Variants in AP5M1 observed in about 807,000 individuals in gnomAD.
AP5M1 encodes the protein adaptor related protein complex 5 subunit mu 1.
A neutral mutation model predicts 52.3 loss-of-function variants in AP5M1; 44 were observed. That is an observed-to-expected ratio of 0.84 (90% CI 0.66 to 1.08). The LOEUF (loss-of-function observed/expected upper bound fraction) is 1.08, where lower values mean the gene tolerates loss of function less well. Among genes scored for constraint, AP5M1 ranks in the 50% least tolerant of loss-of-function variants. The pLI, the probability that AP5M1 is intolerant of heterozygous loss-of-function variation, is 0.00. For synonymous variants in AP5M1, 213 were observed against 199.0 expected (o/e 1.07, Z -0.59); for missense variants, 526 against 568.4 (o/e 0.93, Z 0.76).
In AP5M1 at chr14:57,296,100, T is replaced by C. The variant is rs868827948; in HGVS notation, c.*7216T>C. 1.3e-5 allele frequency: 2 copies of C among 152,064 alleles called. No individual in the cohort carries two copies. The highest frequency in any genetic ancestry group is 4.8e-5 in the African/African-American group (2 of 41,450). 9.4% of individuals were successfully genotyped at this position (152,064 alleles called of 1,614,324 possible). A position where few individuals can be genotyped will look rare whatever the true frequency, so the allele number is the denominator to read the frequency against. On this transcript the variant is annotated 3_prime_UTR_variant, in exon 8 of 8. Coordinates refer to ENST00000261558, the MANE Select transcript of AP5M1 (RefSeq NM_018229.4). ...GTAATTAAAAATTTAGAAGGAATTTTAGCCTTTACCTTTCTAAAATGAACA... is the reference window on the plus strand; with the variant it reads ...GTAATTAAAAATTTAGAAGGAATTTCAGCCTTTACCTTTCTAAAATGAACA...
intron 6 of AP5M1, among the ~76,000 whole-genome samples, chr14:57,284,074 T>G (rs532697246): frequency 6.6e-6 from 1 of 152,172 alleles, no homozygotes; most frequent in South Asian, 2.1e-4. Flanking sequence ...ACATCAACAA[T>G]TTATCAGTGC....
intron 6 of AP5M1, among the ~76,000 whole-genome samples, chr14:57,285,331 C>T (rs769357014): frequency 7.9e-5 from 12 of 152,120 alleles, no homozygotes; most frequent in Admixed American, 3.3e-4. Flanking sequence ...GTAGGAATTA[C>T]GATTTTTCTA....
intron 1 of AP5M1, among the ~76,000 whole-genome samples, chr14:57,270,010 G>A (rs927855830): frequency 3.9e-5 from 6 of 152,046 alleles, no homozygotes; most frequent in African/African-American, 1.4e-4. Flanking sequence ...GGGTTTCACC[G>A]TGTTAGCCAG....
At position 57,297,159 on chromosome 14, in the gene AP5M1, G is replaced by A. The variant is rs187180166; in HGVS notation, c.*8275G>A. On this transcript the variant is annotated 3_prime_UTR_variant, in exon 8 of 8. Transcript: ENST00000261558. The stretch of plus-strand genomic sequence containing the variant: ...AGATGTTTGGGGTTTGGATATGTAG[G>A]GTAAATATAAATGTCTAATGAAAGT... 257 of 151,544 alleles carry A rather than the reference G, an allele frequency of 1.7e-3. No homozygotes were observed. The highest frequency in any genetic ancestry group is 5.7e-3 in the African/African-American group (236 of 41,344). The allele number at this position is 151,544 out of a possible 1,614,324, so 9.4% of individuals were successfully genotyped here.
At chr14:57,280,833 A>G (rs1774201579) in intron 3 of AP5M1, among the ~76,000 whole-genome samples, 1 of 151,870 alleles carries the variant, frequency 6.6e-6, no homozygotes, top group Admixed American at 6.6e-5. Context: ...CCTGGGCGAC[A>G]GAGTGAGACT....
At chr14:57,279,324 A>G (rs1205955813) in intron 2 of AP5M1, among the ~76,000 whole-genome samples, 1 of 152,236 alleles carries the variant, frequency 6.6e-6, no homozygotes, top group Non-Finnish European at 1.5e-5. Context: ...TGTGGTACAT[A>G]TACACCATGG....
rs1475906879 is a variant in AP5M1, at chr14:57,293,777, T to C, written c.*4893T>C. Reference sequence around the variant, plus strand: ...GAATTTACGTAAATGTGTACAACACTAGTGTGTCTGACTTGGTGGGTTTCC... The same window carrying C: ...GAATTTACGTAAATGTGTACAACACCAGTGTGTCTGACTTGGTGGGTTTCC... On this transcript the variant is annotated 3_prime_UTR_variant, in exon 8 of 8. Coordinates refer to ENST00000261558, the MANE Select transcript of AP5M1 (RefSeq NM_018229.4). The C allele has an allele frequency of 6.6e-6, 1 of 151,678 alleles. No homozygotes were observed. Among genetic ancestry groups the C allele is most frequent in the Non-Finnish European group, 1.5e-5 (1 of 67,738 alleles). 9.4% of individuals were successfully genotyped at this position (151,678 alleles called of 1,614,324 possible). A position where few individuals can be genotyped will look rare whatever the true frequency, so the allele number is the denominator to read the frequency against.
intron 2 of AP5M1, among the ~76,000 whole-genome samples, chr14:57,277,528 A>G (rs1240234691): frequency 6.6e-6 from 1 of 152,088 alleles, no homozygotes; most frequent in Admixed American, 6.5e-5. Flanking sequence ...TTTAAGTTTT[A>G]AAGTAAGATT....
At position 57,290,319 on chromosome 14, in the gene AP5M1, C is replaced by T. The variant is rs1415864846; in HGVS notation, c.*1435C>T. The stretch of plus-strand genomic sequence containing the variant: ...AAAGAAAAAAAGAATAACTGCCTGA[C>T]CAGGATTTTAACTTGTTATTCTAGC... On this transcript the variant is annotated 3_prime_UTR_variant, in exon 8 of 8. Coordinates refer to ENST00000261558, the MANE Select transcript of AP5M1 (RefSeq NM_018229.4). 6.6e-6 allele frequency: 1 copy of T among 151,910 alleles called. No homozygotes were observed. Among genetic ancestry groups the T allele is most frequent in the Non-Finnish European group, 1.5e-5 (1 of 67,884 alleles). The allele number at this position is 151,910 out of a possible 1,614,324, so 9.4% of individuals were successfully genotyped here.
At chr14:57,281,892 G>A (rs1364894847) in intron 3 of AP5M1, among the ~76,000 whole-genome samples, 197 bp from the exon 4 acceptor site, 2 of 152,126 alleles carry the variant, frequency 1.3e-5, no homozygotes, top group Admixed American at 6.5e-5. Context: ...GTACACCTTT[G>A]TAAAGCGCTT....
At position 57,282,973 on chromosome 14, in the gene AP5M1, C is replaced by T. The variant is rs1360027703; in HGVS notation, c.1128C>T (p.Gly376=). The T allele has an allele frequency of 4.4e-6, 7 of 1,599,968 alleles. No homozygotes were observed. The highest frequency in any genetic ancestry group is 6.0e-6 in the Non-Finnish European group (7 of 1,171,864). The change falls in exon 5 of 8, where the codon GGC becomes GGT. Residue 376 remains glycine (G), a synonymous_variant. Coordinates refer to ENST00000261558, the MANE Select transcript of AP5M1 (RefSeq NM_018229.4). ...ITHLEYKTSF[G]QLEVFREKSL... is the part of the protein sequence containing the mutation. The stretch of plus-strand genomic sequence containing the variant: ...ATTTGGAATACAAAACTAGTTTTGG[C>T]CAGCTTGAAGTATTTCGAGAGAAAA...
rs1005494909 is a variant in AP5M1 at position 57,290,172 on chromosome 14, G to A, written c.*1288G>A. 6.6e-6 allele frequency: 1 copy of A among 151,788 alleles called. No individual in the cohort carries two copies. The highest frequency in any genetic ancestry group is 2.4e-5 in the African/African-American group (1 of 41,354). The allele number at this position is 151,788 out of a possible 1,614,324, so 9.4% of individuals were successfully genotyped here. A position where few individuals can be genotyped will look rare whatever the true frequency, so the allele number is the denominator to read the frequency against. ...AAAGCATGATAGTTTAAAGGTATAG[G>A]GCATATAAATTTAGGATTTGAAATA... On this transcript the variant is annotated 3_prime_UTR_variant, in exon 8 of 8. Transcript: ENST00000261558.
chr14:57,274,433 A>G lies in AP5M1; in HGVS notation c.264A>G (p.Ile88Met). The G allele has an allele frequency of 1.2e-6, 2 of 1,614,188 alleles. No homozygotes were observed. Among genetic ancestry groups the G allele is most frequent in the Non-Finnish European group, 1.7e-6 (2 of 1,180,034 alleles). ...AAACATCCATTTATGGACTCCTGAT[A>G]GGAGGTGAAGAACTCTGGCCAGTTG... ...INKTSIYGLLIGGEELWPVVA... is the reference protein window; with the variant it reads ...INKTSIYGLLMGGEELWPVVA... The change falls in exon 2 of 8, where the codon ATA becomes ATG. Residue 88 changes from isoleucine to methionine, a missense_variant. Physicochemically the swap from Ile to Met is conservative, Grantham distance 10. This residue lies in a region of AP5M1 where 425 missense variants were observed against 430.6 expected (regional missense o/e 0.99). Coordinates refer to ENST00000261558, the MANE Select transcript of AP5M1 (RefSeq NM_018229.4).
At chr14:57,286,163 G>T in intron 6 of AP5M1, 60 bp from the exon 7 acceptor site, 1 of 1,167,862 alleles carries the variant, frequency 8.6e-7, no homozygotes, top group Non-Finnish European at 1.3e-6. Flanking sequence ...GGGAAAAAAT[G>T]TAACCATGCT....
chr14:57,286,334 T>C lies in AP5M1; in HGVS notation c.1390+15T>C. On this transcript the variant is annotated intron_variant, in intron 7 of 7. Transcript: ENST00000261558. ...AATAAGTGCACGTAAGTTACACAGA[T>C]TCAAACTAACTTAAGGGAATTAAAA... 6.6e-7 allele frequency: 1 copy of C among 1,508,612 alleles called. No individual in the cohort carries two copies. The highest frequency in any genetic ancestry group is 9.2e-7 in the Non-Finnish European group (1 of 1,085,434). The allele number at this position is 1,508,612 out of a possible 1,614,324, so 93.5% of individuals were successfully genotyped here.
Position 57,298,414 on chromosome 14 carries a change from C to T in AP5M1, c.*9530C>T, listed in dbSNP as rs763605827. ...TTTCAAATCCCAGCTCTGTCATTTA[C>T]AAACTGGGTGGTCCTGGATAAATTA... On this transcript the variant is annotated 3_prime_UTR_variant, in exon 8 of 8. Transcript: ENST00000261558. The T allele has an allele frequency of 6.6e-6, 1 of 152,138 alleles. No individual in the cohort carries two copies. The highest frequency in any genetic ancestry group is 1.5e-5 in the Non-Finnish European group (1 of 68,032). The allele number at this position is 152,138 out of a possible 1,614,324, so 9.4% of individuals were successfully genotyped here.
chr14:57,286,401 C>T (rs1885310245), intron 7 of AP5M1, 82 bp downstream of exon 7: 1 of 897,356 alleles, frequency 1.1e-6, no homozygotes, highest in African/African-American at 1.7e-5. Flanking sequence ...TTGAATGTAA[C>T]AGAACTTAGA....
rs1258871825 is a variant in AP5M1, at chr14:57,293,814, G to A, written c.*4930G>A. 1.3e-5 allele frequency: 2 copies of A among 151,578 alleles called. No individual in the cohort carries two copies. Among genetic ancestry groups the A allele is most frequent in the Non-Finnish European group, 3.0e-5 (2 of 67,698 alleles). The allele number at this position is 151,578 out of a possible 1,614,324, so 9.4% of individuals were successfully genotyped here. ...CTTGGTGGGTTTCCCTGTGAAACAT[G>A]TCAGTATCATGTAAGATGAAGAATA... On this transcript the variant is annotated 3_prime_UTR_variant, in exon 8 of 8. Transcript: ENST00000261558.
rs1594712953 is a variant in AP5M1, at chr14:57,294,200, T to A, written c.*5316T>A. The A allele has an allele frequency of 6.6e-6, 1 of 151,882 alleles. No homozygotes were observed. Among genetic ancestry groups the A allele is most frequent in the Non-Finnish European group, 1.5e-5 (1 of 67,782 alleles). 9.4% of individuals were successfully genotyped at this position (151,882 alleles called of 1,614,324 possible). A position where few individuals can be genotyped will look rare whatever the true frequency, so the allele number is the denominator to read the frequency against. The stretch of plus-strand genomic sequence containing the variant: ...ATGTTAATGTATGATGCACAAGCAT[T>A]TACAGATGGACAAATGCTCCACACT... On this transcript the variant is annotated 3_prime_UTR_variant, in exon 8 of 8. Coordinates refer to ENST00000261558, the MANE Select transcript of AP5M1 (RefSeq NM_018229.4).
Sources: allele counts gnomAD v4.1 joint callset (sites outside exome capture counted in the v4.1 genomes callset), GRCh38; gene constraint gnomAD v4.1.1; regional missense constraint gnomAD v4.1.1; transcripts MANE v1.5; gene names NCBI Gene and HGNC (gene_info 2026-07-23, HGNC 2026-07-21).